PDSS2: variants seen among roughly 807,000 people sequenced by gnomAD.
The protein encoded by PDSS2 is decaprenyl diphosphate synthase subunit 2.
A neutral mutation model predicts 44.5 loss-of-function variants in PDSS2; 31 were observed. That is an observed-to-expected ratio of 0.70 (90% CI 0.52 to 0.94). The LOEUF (loss-of-function observed/expected upper bound fraction) is 0.94. Among genes scored for constraint, PDSS2 ranks in the 40% least tolerant of loss-of-function variants. The pLI, the probability that PDSS2 is intolerant of heterozygous loss-of-function variation, is 0.00. For missense variants in PDSS2, 452 were observed against 482.2 expected (o/e 0.94, Z 0.59); for synonymous variants, 157 against 180.3 (o/e 0.87, Z 1.03).
intron 1 of PDSS2, among the ~76,000 whole-genome samples, chr6:107,359,701 T>C (rs1037631054): frequency 2.0e-5 from 3 of 151,488 alleles, no homozygotes; most frequent in African/African-American, 7.3e-5. Context: ...TACCTGAGTA[T>C]AGAAATAAAA....
At chr6:107,454,047 CTTTTTTTT>C (rs34161602) in intron 1 of PDSS2, among the ~76,000 whole-genome samples, 1 of 131,592 alleles carries the variant, frequency 7.6e-6, no homozygotes, top group Non-Finnish European at 1.6e-5. Context: ...TTTCAGACTT[CTTTTTTTT>C]TTTTTTTTTT....
At chr6:107,374,749 C>A (rs904737948) in intron 1 of PDSS2, among the ~76,000 whole-genome samples, 4 of 152,156 alleles carry the variant, frequency 2.6e-5, no homozygotes, top group African/African-American at 7.2e-5. Flanking sequence ...TCTCTTTAAT[C>A]ATTTTAAACA....
intron 4 of PDSS2, among the ~76,000 whole-genome samples, chr6:107,222,592 T>C (rs139134464): frequency 2.6e-3 from 385 of 150,642 alleles, no homozygotes; most frequent in African/African-American, 9.2e-3. Flanking sequence ...GAGGCAGAGG[T>C]TGCAGTGAAC....
chr6:107,340,976 A>T (rs897308147), intron 1 of PDSS2, among the ~76,000 whole-genome samples: 1 of 152,152 alleles, frequency 6.6e-6, no homozygotes, highest in African/African-American at 2.4e-5. Flanking sequence ...TTCTGCAGGA[A>T]ATCTGGAGGC....
intron 1 of PDSS2, among the ~76,000 whole-genome samples, chr6:107,396,746 T>A (rs563752369): frequency 1.0e-4 from 15 of 143,548 alleles, no homozygotes; most frequent in African/African-American, 3.9e-4. Context: ...TGGAGTGCAG[T>A]GGTGCAATCA....
At chr6:107,298,253 T>C (rs1776575290) in intron 2 of PDSS2, among the ~76,000 whole-genome samples, 1 of 152,130 alleles carries the variant, frequency 6.6e-6, no homozygotes. Flanking sequence ...CCATTGGTAT[T>C]GGTGGGTTCT....
intron 4 of PDSS2, among the ~76,000 whole-genome samples, chr6:107,220,879 T>C (rs1773579524): frequency 6.6e-6 from 1 of 152,124 alleles, no homozygotes; most frequent in South Asian, 2.1e-4. Flanking sequence ...TCCATCAGCT[T>C]GCCGTGTATA....
rs537384219 is a variant in PDSS2 at position 107,366,765 on chromosome 6, C to T, written c.297-32433G>A. ...AAATTCCTAGAGAGTCAGACATTTCCGAAACTTAAGAACACACAGAAAATA... is the reference window on the plus strand; with the variant it reads ...AAATTCCTAGAGAGTCAGACATTTCTGAAACTTAAGAACACACAGAAAATA... On this transcript the variant is annotated intron_variant, in intron 1 of 7. Transcript: ENST00000369037. 5.3e-5 allele frequency among the ~76,000 whole-genome samples: 8 copies of T among 151,664 alleles called. No homozygotes were observed. In the South Asian group the frequency reaches 1.5e-3, roughly 28 times the overall value.
chr6:107,459,297 G>A lies in PDSS2; in HGVS notation c.-12C>T, dbSNP rs1245919496. 6.2e-7 allele frequency: 1 copy of A among 1,613,170 alleles called. No homozygotes were observed. The highest frequency in any genetic ancestry group is 1.1e-5 in the South Asian group (1 of 91,064). ...TGCCGAAAGTTCATGGTTTGAGTCT[G>A]GAAGGGTCTGGGACCTGGGGGTATC... On this transcript the variant is annotated 5_prime_UTR_variant, in exon 1 of 8. Coordinates refer to ENST00000369037, the MANE Select transcript of PDSS2 (RefSeq NM_020381.4). The surrounding 1 kb of genome is among the most constrained non-coding windows in gnomAD (Gnocchi z 4.3).
At chr6:107,359,811 G>A (rs192516095) in intron 1 of PDSS2, among the ~76,000 whole-genome samples, 2 of 152,038 alleles carry the variant, frequency 1.3e-5, no homozygotes, top group African/African-American at 2.4e-5. Context: ...TCCTGGAGGC[G>A]GGGGGCGGTC....
At chr6:107,357,683 C>T (rs1297693977) in intron 1 of PDSS2, among the ~76,000 whole-genome samples, 1 of 152,116 alleles carries the variant, frequency 6.6e-6, no homozygotes, top group Non-Finnish European at 1.5e-5. Context: ...CATTCCACCA[C>T]ATTTTATACT....
Position 107,252,896 on chromosome 6 carries a change from A to T in PDSS2, c.631-7277T>A, listed in dbSNP as rs1294641840. On this transcript the variant is annotated intron_variant, in intron 3 of 7. Transcript: ENST00000369037. Reference sequence around the variant, plus strand: ...ATTGGCTGGTGGATTCATTTCATGAACAGTTTGATATCCTACTATGTGCCT... The same window carrying T: ...ATTGGCTGGTGGATTCATTTCATGATCAGTTTGATATCCTACTATGTGCCT... Among the ~76,000 whole-genome samples the T allele has an allele frequency of 2.6e-5, 4 of 152,364 alleles. No homozygotes were observed. In the East Asian group the frequency reaches 7.7e-4, roughly 29 times the overall value.
At chr6:107,400,064 T>TG (rs996848486) in intron 1 of PDSS2, among the ~76,000 whole-genome samples, 5 of 151,662 alleles carry the variant, frequency 3.3e-5, no homozygotes, top group African/African-American at 1.2e-4. Context: ...AGTATGTGAG[T>TG]GGGGGGAGTG....
chr6:107,184,403 A>T (rs1772093505), intron 7 of PDSS2, among the ~76,000 whole-genome samples: 1 of 152,262 alleles, frequency 6.6e-6, no homozygotes. Context: ...ATGCAGAAAA[A>T]TGGCTGAAGC....
At chr6:107,450,064 A>C (rs1253859621) in intron 1 of PDSS2, among the ~76,000 whole-genome samples, 2 of 152,250 alleles carry the variant, frequency 1.3e-5, no homozygotes, top group Non-Finnish European at 2.9e-5. Context: ...ACCCAGAAGC[A>C]GAATTGTTGG....
intron 1 of PDSS2, among the ~76,000 whole-genome samples, chr6:107,346,225 A>G (rs946722159): frequency 6.6e-6 from 1 of 152,204 alleles, no homozygotes; most frequent in Non-Finnish European, 1.5e-5. Flanking sequence ...AGCCTCAGAG[A>G]ACAGTATTTG....
At chr6:107,273,700 A>T (rs1775679331) in intron 3 of PDSS2, among the ~76,000 whole-genome samples, 1 of 152,208 alleles carries the variant, frequency 6.6e-6, no homozygotes, top group Non-Finnish European at 1.5e-5. Flanking sequence ...GAAATACATC[A>T]AGATATTAAC....
At chr6:107,372,147 G>GCAGT (rs1345209533) in intron 1 of PDSS2, among the ~76,000 whole-genome samples, 2 of 152,136 alleles carry the variant, frequency 1.3e-5, no homozygotes, top group Non-Finnish European at 2.9e-5. Flanking sequence ...ATTCTAGCAG[G>GCAGT]CAGTCAAGGG....
intron 7 of PDSS2, among the ~76,000 whole-genome samples, chr6:107,162,333 A>G (rs1404633578): frequency 6.6e-6 from 1 of 151,790 alleles, no homozygotes; most frequent in African/African-American, 2.4e-5. Context: ...CATCTCTACT[A>G]AAAACAAAAA....
Sources: allele counts gnomAD v4.1 joint callset (sites outside exome capture counted in the v4.1 genomes callset), GRCh38; gene constraint gnomAD v4.1.1; non-coding constraint Gnocchi (gnomAD v3.1); transcripts MANE v1.5; gene names NCBI Gene and HGNC (gene_info 2026-07-23, HGNC 2026-07-21).